The following CUL5 variants were observed in gnomAD, a reference collection of about 807,000 sequenced individuals.
CUL5 encodes the protein cullin 5.
CUL5 carries 26 observed loss-of-function variants against 108.8 expected under a neutral mutation model. The observed-to-expected ratio is 0.24, with a 90% CI of 0.18 to 0.33. The LOEUF (loss-of-function observed/expected upper bound fraction) is 0.33, where lower values mean the gene tolerates loss of function less well. Among genes scored for constraint, CUL5 ranks in the 10% least tolerant of loss-of-function variants. The pLI, the probability that CUL5 is intolerant of heterozygous loss-of-function variation, is 1.00. For missense variants in CUL5, 524 were observed against 909.2 expected (o/e 0.58, Z 5.45); for synonymous variants, 334 against 298.0 (o/e 1.12, Z -1.25).
intron 8 of CUL5, among the ~76,000 whole-genome samples, chr11:108,072,007 T>A (rs1863836739): frequency 6.6e-6 from 1 of 152,030 alleles, no homozygotes. Flanking sequence ...GGAGACCCTG[T>A]CTCTACAAAA....
At chr11:108,043,926 G>T (rs569322697) in intron 2 of CUL5, among the ~76,000 whole-genome samples, 1 of 152,150 alleles carries the variant, frequency 6.6e-6, no homozygotes, top group Non-Finnish European at 1.5e-5. Flanking sequence ...GGGAGGCTGA[G>T]GCAGGAGAAT....
rs1429757317 is a variant in CUL5 at position 108,009,069 on chromosome 11, C to T, written c.-280C>T. 1.9e-6 allele frequency: 1 copy of T among 521,402 alleles called. No individual in the cohort carries two copies. The highest frequency in any genetic ancestry group is 3.4e-6 in the Non-Finnish European group (1 of 292,842). The allele number at this position is 521,402 out of a possible 1,614,324, so 32.3% of individuals were successfully genotyped here. A position where few individuals can be genotyped will look rare whatever the true frequency, so the allele number is the denominator to read the frequency against. ...CTTCCTCTTCCAAGTCAGGTCGGCT[C>T]CCGTTACCTTCTCAGCATTCGCCGT... On this transcript the variant is annotated 5_prime_UTR_variant, in exon 1 of 19. Transcript: ENST00000393094.
chr11:108,030,669 T>TCAC (rs1277417791), intron 1 of CUL5, among the ~76,000 whole-genome samples: 2 of 152,128 alleles, frequency 1.3e-5, no homozygotes, highest in Non-Finnish European at 2.9e-5. Context: ...TACAGTGTGA[T>TCAC]AGAAGCAGGC....
At position 108,034,283 on chromosome 11, in the gene CUL5, A is replaced by T. The variant is rs140318499; in HGVS notation, c.134+372A>T. On this transcript the variant is annotated intron_variant, in intron 2 of 18. Coordinates refer to ENST00000393094, the MANE Select transcript of CUL5 (RefSeq NM_003478.6). ...CCAGCAATGATTGACAGCGTGTGAT[A>T]TGTTGTCTACCAGAGAAGCTTATTG... 5.8e-4 allele frequency among the ~76,000 whole-genome samples: 88 copies of T among 152,324 alleles called. 1 individual carries two copies. In the East Asian group the frequency reaches 0.017, roughly 29 times the overall value.
At chr11:108,080,419 C>T (rs992245633) in intron 11 of CUL5, among the ~76,000 whole-genome samples, 11 of 151,884 alleles carry the variant, frequency 7.2e-5, no homozygotes, top group East Asian at 1.9e-4. Context: ...TTGTTTGAGA[C>T]GGGGCCTTGC....
At chr11:108,051,938 A>G (rs1186237067) in intron 4 of CUL5, among the ~76,000 whole-genome samples, 1 of 152,198 alleles carries the variant, frequency 6.6e-6, no homozygotes, top group Non-Finnish European at 1.5e-5. Context: ...ATTCAAATCC[A>G]GTTGGATTCT....
intron 2 of CUL5, 59 bp from the exon 3 acceptor site, chr11:108,046,211 A>C: frequency 8.5e-7 from 1 of 1,170,942 alleles, no homozygotes; most frequent in African/African-American, 1.5e-5. Flanking sequence ...AGAATTTAAG[A>C]TGTTTTGTTC....
intron 11 of CUL5, among the ~76,000 whole-genome samples, chr11:108,081,289 A>G (rs937779072): frequency 2.6e-5 from 4 of 151,680 alleles, no homozygotes; most frequent in Non-Finnish European, 4.4e-5. Context: ...CTTCGTCTCA[A>G]CAACAACAAC....
chr11:108,011,158 C>T (rs1225344539), intron 1 of CUL5, among the ~76,000 whole-genome samples: 1 of 152,136 alleles, frequency 6.6e-6, no homozygotes, highest in East Asian at 1.9e-4. Flanking sequence ...GGATATAAAG[C>T]AAGGTCTTTT....
chr11:108,044,450 G>T (rs1311672064), intron 2 of CUL5, among the ~76,000 whole-genome samples: 2 of 151,930 alleles, frequency 1.3e-5, no homozygotes, highest in African/African-American at 4.8e-5. Flanking sequence ...TGAGGCTGCA[G>T]TGAGCTGTGT....
chr11:108,048,172 A>G (rs11212495), intron 3 of CUL5, among the ~76,000 whole-genome samples: 12,786 of 151,056 alleles, frequency 0.085, 608 homozygotes, highest in East Asian at 0.16. Context: ...AGTTGAACAT[A>G]CCTTGTTAGG....
rs10890800 is a variant in CUL5 at position 108,033,920 on chromosome 11, C to T, written c.134+9C>T. Reference sequence around the variant, plus strand: ...TGGTTTGATCTGTTTTCGTAAGTACCCCACTAATTCTGTTTGCTAGCATAA... The same window carrying T: ...TGGTTTGATCTGTTTTCGTAAGTACTCCACTAATTCTGTTTGCTAGCATAA... On this transcript the variant is annotated intron_variant, in intron 2 of 18. Transcript: ENST00000393094. The T allele has an allele frequency of 0.65, 993,245 of 1,533,388 alleles. 326,520 individuals are homozygous for T. The highest frequency in any genetic ancestry group is 0.9 in the East Asian group (40,009 of 44,506). 95.0% of individuals were successfully genotyped at this position (1,533,388 alleles called of 1,614,324 possible). A position where few individuals can be genotyped will look rare whatever the true frequency, so the allele number is the denominator to read the frequency against.
chr11:108,091,062 T>G (rs1864344399), intron 13 of CUL5, among the ~76,000 whole-genome samples: 1 of 152,088 alleles, frequency 6.6e-6, no homozygotes, highest in African/African-American at 2.4e-5. Context: ...CTTTTTTTCT[T>G]TTTTTTGGAG....
At chr11:108,060,840 G>A (rs539328933) in intron 7 of CUL5, among the ~76,000 whole-genome samples, 43 of 151,258 alleles carry the variant, frequency 2.8e-4, no homozygotes, top group Non-Finnish European at 2.2e-4. Flanking sequence ...AAAAAAAAAA[G>A]AATAAGAATC....
chr11:108,013,818 C>A (rs1555104501), intron 1 of CUL5, among the ~76,000 whole-genome samples: 1 of 152,016 alleles, frequency 6.6e-6, no homozygotes, highest in Non-Finnish European at 1.5e-5. Flanking sequence ...CCTGTAATCC[C>A]AGCACTTTGG....
intron 2 of CUL5, among the ~76,000 whole-genome samples, chr11:108,034,853 A>T (rs1024154554): frequency 1.2e-4 from 18 of 152,210 alleles, no homozygotes; most frequent in Admixed American, 1.3e-4. Context: ...TAGACAACTT[A>T]ATTAGAAAGA....
chr11:108,045,878 A>G (rs956182463), intron 2 of CUL5, among the ~76,000 whole-genome samples: 3 of 152,168 alleles, frequency 2.0e-5, no homozygotes, highest in South Asian at 2.1e-4. Flanking sequence ...AAAAATAAAA[A>G]AATTTTTAAA....
At position 108,104,249 on chromosome 11, in the gene CUL5, T is replaced by C; in HGVS notation, c.2208T>C (p.Thr736=). 1 of 1,605,720 alleles carries C rather than the reference T, an allele frequency of 6.2e-7. No homozygotes were observed. Among genetic ancestry groups the C allele is most frequent in the Non-Finnish European group, 8.5e-7 (1 of 1,177,194 alleles). The change falls in exon 19 of 19, where the codon ACT becomes ACC. Residue 736 remains threonine, a synonymous_variant. Coordinates refer to ENST00000393094, the MANE Select transcript of CUL5 (RefSeq NM_003478.6). The stretch of plus-strand genomic sequence containing the variant: ...AAATTAGTAATGCTCAGCTGCAGAC[T>C]GAATTAGTAGAAATTTTGAAAAACA... ...RKKISNAQLQ[T]ELVEILKNMF...
intron 4 of CUL5, among the ~76,000 whole-genome samples, chr11:108,051,671 CAGT>C (rs1863226268): frequency 6.6e-6 from 1 of 152,160 alleles, no homozygotes; most frequent in Non-Finnish European, 1.5e-5. Flanking sequence ...AACATCTAAA[CAGT>C]AGATTTGCAG....
Sources: gnomAD v4.1 joint callset for allele counts (sites outside exome capture counted in the v4.1 genomes callset) on GRCh38, gnomAD v4.1.1 for gene constraint, MANE v1.5 for transcripts, NCBI Gene and HGNC (gene_info 2026-07-23, HGNC 2026-07-21) for gene names.